The following ACCSL variants were observed in gnomAD, a reference collection of about 807,000 sequenced individuals.
The protein encoded by ACCSL is 1-aminocyclopropane-1-carboxylate synthase homolog (inactive) like.
ACCSL carries 55 observed loss-of-function variants against 61.7 expected under a neutral mutation model. The ratio of observed to expected loss-of-function variants is 0.89; its 90% CI spans 0.72 to 1.12. ACCSL has a LOEUF of 1.12. Ranked by LOEUF, ACCSL falls within the 50% of genes most tolerant of loss-of-function variation. ACCSL has a pLI of 0.00. For missense variants in ACCSL, 632 were observed against 698.0 expected (o/e 0.91, Z 1.07); for synonymous variants, 258 against 264.3 (o/e 0.98, Z 0.23).
At chr11:44,057,733 G>A (rs1196057326) in intron 11 of ACCSL, among the ~76,000 whole-genome samples, 1 of 151,972 alleles carries the variant, frequency 6.6e-6, no homozygotes, top group African/African-American at 2.4e-5. Flanking sequence ...CCTATTAGGG[G>A]ATTGACTCCT....
chr11:44,057,730 G>A (rs1024902066), intron 11 of ACCSL, among the ~76,000 whole-genome samples: 13 of 152,024 alleles, frequency 8.6e-5, no homozygotes, highest in Admixed American at 3.3e-4. Flanking sequence ...ACCCCTATTA[G>A]GGGATTGACT....
chr11:43,973,707 T>C, the ACCSL span, among the ~76,000 whole-genome samples: 1 of 152,168 alleles, frequency 6.6e-6, no homozygotes, highest in Non-Finnish European at 1.5e-5. Context: ...TCAGTGGGTA[T>C]TGGGCGAACC....
At chr11:44,045,131 T>A (rs1952590808), upstream of ACCSL, among the ~76,000 whole-genome samples, 1 of 152,200 alleles carries the variant, frequency 6.6e-6, no homozygotes, top group Non-Finnish European at 1.5e-5. Context: ...CATACTCACT[T>A]TGTTATCAGA....
the ACCSL span, among the ~76,000 whole-genome samples, chr11:44,042,656 TTTG>T: frequency 0.052 from 7,946 of 151,466 alleles, 355 homozygotes; most frequent in African/African-American, 0.12. Context: ...GTTTGTTTTT[TTTG>T]TTTTTTTAGC....
At chr11:43,995,602 G>A in the ACCSL span, 1 of 152,682 alleles carries the variant, frequency 6.5e-6, no homozygotes, top group African/African-American at 2.4e-5. Context: ...AGAAAGGCTA[G>A]GGCACAGACA....
At chr11:44,054,228 C>A (rs1202316018) in intron 8 of ACCSL, among the ~76,000 whole-genome samples, 2 of 152,110 alleles carry the variant, frequency 1.3e-5, no homozygotes, top group Non-Finnish European at 2.9e-5. Flanking sequence ...AGAGCACGTT[C>A]TAGAAATTAT....
At chr11:44,025,870 A>G in the ACCSL span, among the ~76,000 whole-genome samples, 1 of 152,198 alleles carries the variant, frequency 6.6e-6, no homozygotes, top group Non-Finnish European at 1.5e-5. Flanking sequence ...TGTTATCCCC[A>G]TGCCTTCTGC....
intron 1 of ACCSL, among the ~76,000 whole-genome samples, chr11:44,048,812 G>A (rs908046433): frequency 1.3e-5 from 2 of 152,264 alleles, no homozygotes; most frequent in South Asian, 2.1e-4. Flanking sequence ...AGGGACAAAT[G>A]AGCCTGCCGT....
chr11:44,048,355 T>G lies in ACCSL; in HGVS notation c.319T>G (p.Tyr107Asp), dbSNP rs748630136. The G allele has an allele frequency of 1.2e-6, 2 of 1,614,058 alleles. No homozygotes were observed. The highest frequency in any genetic ancestry group is 3.3e-5 in the Admixed American group (2 of 60,018). Residue 107 changes from tyrosine (Y) to aspartate (D), a missense_variant, in exon 1 of 14, where the codon TAT (tyrosine) becomes GAT (aspartate). By Grantham distance (160) the Tyr-to-Asp change is radical. Transcript: ENST00000378832. ...TGAGGACTCTAGGGGTGATGTCAGA[T>G]ATGGGCAGAGGGCCCAACTCTCTGG... ...PSEDSRGDVR[Y>D]GQRAQLSGQP...
the ACCSL span, among the ~76,000 whole-genome samples, chr11:43,981,941 T>C: frequency 6.6e-6 from 1 of 152,112 alleles, no homozygotes; most frequent in Middle Eastern, 3.4e-3. Flanking sequence ...AAGCTCAGAG[T>C]GTATCATCTT....
At chr11:43,974,899 C>T in the ACCSL span, among the ~76,000 whole-genome samples, 1 of 152,138 alleles carries the variant, frequency 6.6e-6, no homozygotes, top group South Asian at 2.1e-4. Context: ...AAAAGAGCAG[C>T]CCCCAAATTC....
At chr11:44,032,162 A>C in the ACCSL span, among the ~76,000 whole-genome samples, 1 of 152,188 alleles carries the variant, frequency 6.6e-6, no homozygotes, top group South Asian at 2.1e-4. Flanking sequence ...TCTGCTTCAC[A>C]TGGCATTGCC....
the ACCSL span, among the ~76,000 whole-genome samples, chr11:44,029,999 ATTTTAT>A: frequency 5.6e-5 from 4 of 71,440 alleles, no homozygotes; most frequent in East Asian, 1.1e-3. Flanking sequence ...ATTTTATTTT[ATTTTAT>A]TTTATTTTAT....
At chr11:43,951,125 C>T in the ACCSL span, among the ~76,000 whole-genome samples, 1 of 150,946 alleles carries the variant, frequency 6.6e-6, no homozygotes, top group Admixed American at 6.6e-5. Flanking sequence ...TTGGAAAGAG[C>T]TAGAATATTA....
the ACCSL span, among the ~76,000 whole-genome samples, chr11:43,927,287 T>C: frequency 6.6e-6 from 1 of 152,232 alleles, no homozygotes; most frequent in East Asian, 1.9e-4. Context: ...TTGGTGTTGA[T>C]GCTGTTTTTG....
the ACCSL span, chr11:43,942,991 C>T: frequency 1.3e-5 from 20 of 1,505,476 alleles, no homozygotes; most frequent in Middle Eastern, 1.7e-4. Context: ...CCGACGAGTT[C>T]CCGCAGCCCG....
chr11:44,048,958 T>C (rs1952618255), intron 1 of ACCSL, among the ~76,000 whole-genome samples: 1 of 152,204 alleles, frequency 6.6e-6, no homozygotes, highest in African/African-American at 2.4e-5. Flanking sequence ...GCCAGCCATG[T>C]GGTGATGGCC....
intron 9 of ACCSL, 23 bp from the exon 10 acceptor site, chr11:44,056,017 T>G: frequency 6.2e-7 from 1 of 1,614,012 alleles, no homozygotes; most frequent in African/African-American, 1.3e-5. Flanking sequence ...TAACCTTAGT[T>G]AATTTTTCCA....
chr11:43,997,331 T>C, the ACCSL span, among the ~76,000 whole-genome samples: 1 of 152,184 alleles, frequency 6.6e-6, no homozygotes, highest in African/African-American at 2.4e-5. Context: ...TCTTTTGGGC[T>C]GTCGGTTCCA....
Sources: allele counts gnomAD v4.1 joint callset (sites outside exome capture counted in the v4.1 genomes callset), GRCh38; gene constraint gnomAD v4.1.1; transcripts MANE v1.5; gene names NCBI Gene and HGNC (gene_info 2026-07-23, HGNC 2026-07-21).